Variants in GPAM observed in about 807,000 individuals in gnomAD.
GPAM encodes the protein glycerol-3-phosphate acyltransferase 1, mitochondrial.
In GPAM, 56 loss-of-function variants were observed where a neutral mutation model predicts 105.0. The observed-to-expected ratio is 0.53, with a 90% CI of 0.43 to 0.67. The LOEUF is 0.67. GPAM is among the 30% of genes least tolerant of loss of function. The pLI, the probability that GPAM is intolerant of heterozygous loss-of-function variation, is 0.00. For missense variants in GPAM, 855 were observed against 989.8 expected (o/e 0.86, Z 1.83); for synonymous variants, 368 against 354.4 (o/e 1.04, Z -0.43).
intron 4 of GPAM, among the ~76,000 whole-genome samples, chr10:112,179,972 C>T (rs1589597103): frequency 6.6e-6 from 1 of 152,148 alleles, no homozygotes; most frequent in South Asian, 2.1e-4. Context: ...ATACAAACAA[C>T]AAACCCATAT....
chr10:112,209,037 G>A (rs1589611864), intron 1 of GPAM, among the ~76,000 whole-genome samples: 1 of 152,226 alleles, frequency 6.6e-6, no homozygotes, highest in African/African-American at 2.4e-5. Context: ...AGGGATTGGG[G>A]ATGGGGACAG....
At chr10:112,178,692 C>A (rs184875687) in intron 4 of GPAM, among the ~76,000 whole-genome samples, 27 of 152,244 alleles carry the variant, frequency 1.8e-4, no homozygotes, top group African/African-American at 6.3e-4. Context: ...TTCAGTTTTC[C>A]CAAAATACAA....
At chr10:112,163,598 T>C (rs894298726) in intron 14 of GPAM, 103 bp downstream of exon 14, 12 of 710,606 alleles carry the variant, frequency 1.7e-5, no homozygotes, top group Admixed American at 4.0e-5. Flanking sequence ...TGTGAATTAA[T>C]AGAAGTGGAA....
chr10:112,209,439 A>G (rs951518329), intron 1 of GPAM, among the ~76,000 whole-genome samples: 1 of 152,074 alleles, frequency 6.6e-6, no homozygotes, highest in African/African-American at 2.4e-5. Flanking sequence ...CCACAGGATA[A>G]TTAAAATGTG....
chr10:112,162,447 T>C (rs1847140327), intron 14 of GPAM, among the ~76,000 whole-genome samples: 2 of 152,084 alleles, frequency 1.3e-5, no homozygotes, highest in African/African-American at 4.8e-5. Flanking sequence ...AGACACACAT[T>C]TGAGAATGAC....
chr10:112,173,886 A>G (rs1271780707), intron 6 of GPAM, 41 bp from the exon 7 acceptor site: 4 of 1,487,050 alleles, frequency 2.7e-6, no homozygotes, highest in Admixed American at 1.7e-5. Flanking sequence ...AATTGTTTCT[A>G]TACTACATTC....
chr10:112,203,115 G>A (rs1409340399), intron 1 of GPAM, among the ~76,000 whole-genome samples: 2 of 152,178 alleles, frequency 1.3e-5, no homozygotes, highest in Non-Finnish European at 2.9e-5. Flanking sequence ...AGGGGGAGCA[G>A]AGGGGAGGGA....
chr10:112,154,309 T>C (rs1444030191), intron 21 of GPAM: 10 of 369,956 alleles, frequency 2.7e-5, no homozygotes, highest in Non-Finnish European at 4.4e-5. Flanking sequence ...AAAACATTTC[T>C]GGTCCCAACA....
intron 11 of GPAM, among the ~76,000 whole-genome samples, chr10:112,167,517 T>A (rs917573612): frequency 6.6e-6 from 1 of 152,296 alleles, no homozygotes; most frequent in East Asian, 1.9e-4. Context: ...TACCATACAC[T>A]GGAATACTAC....
upstream of GPAM, among the ~76,000 whole-genome samples, chr10:112,187,131 A>C (rs747798909): frequency 6.6e-6 from 1 of 152,226 alleles, no homozygotes; most frequent in Non-Finnish European, 1.5e-5. Context: ...CTTAAGTCGA[A>C]TTTTTAAGAT....
Position 112,168,750 on chromosome 10 carries a change from C to T in GPAM, c.894+103G>A, listed in dbSNP as rs1589588103. The T allele has an allele frequency of 6.0e-6, 5 of 832,518 alleles. No individual in the cohort carries two copies. In the East Asian group the frequency reaches 1.2e-4, roughly 20 times the overall value. The allele number at this position is 832,518 out of a possible 1,614,324, so 51.6% of individuals were successfully genotyped here. A position where few individuals can be genotyped will look rare whatever the true frequency, so the allele number is the denominator to read the frequency against. ...ACTCAAGCAATAATCACTCCAGTTACTCAAAGAGCAGTTTTTAAAAATCTC... is the reference window on the plus strand; with the variant it reads ...ACTCAAGCAATAATCACTCCAGTTATTCAAAGAGCAGTTTTTAAAAATCTC... On this transcript the variant is annotated intron_variant, in intron 10 of 21. Transcript: ENST00000348367.
upstream of GPAM, among the ~76,000 whole-genome samples, chr10:112,219,562 C>A (rs1387032913): frequency 6.6e-6 from 1 of 152,182 alleles, no homozygotes; most frequent in Non-Finnish European, 1.5e-5. Context: ...CTCCAAAATC[C>A]ATAATTTTTC....
Position 112,164,594 on chromosome 10 carries a change from T to C in GPAM, c.1238A>G (p.Gln413Arg). 6.3e-7 allele frequency: 1 copy of C among 1,598,600 alleles called. No homozygotes were observed. Among genetic ancestry groups the C allele is most frequent in the Non-Finnish European group, 8.6e-7 (1 of 1,165,972 alleles). Residue 413 changes from glutamine (Q) to arginine (R), a missense_variant, in exon 13 of 22, where the codon CAA (glutamine) becomes CGA (arginine). Physicochemically the swap from Gln to Arg is conservative, Grantham distance 43 (BLOSUM62 1). Coordinates refer to ENST00000348367, the MANE Select transcript of GPAM (RefSeq NM_001244949.2). ...PFSLKEYLESQSQKPVSALLS... is the reference protein window; with the variant it reads ...PFSLKEYLESRSQKPVSALLS... The stretch of plus-strand genomic sequence containing the variant: ...TAGAGCAGACACCGGTTTCTGACTT[T>C]GGCTTTCTAAATATTCCTGGAGAAA...
At chr10:112,162,831 C>T (rs1273808975) in intron 14 of GPAM, among the ~76,000 whole-genome samples, 1 of 152,042 alleles carries the variant, frequency 6.6e-6, no homozygotes, top group African/African-American at 2.4e-5. Context: ...AACTTTTTAA[C>T]AATAAGGTAT....
chr10:112,163,838 A>G (rs777071584), intron 13 of GPAM, 22 bp from the exon 14 acceptor site: 1 of 1,066,256 alleles, frequency 9.4e-7, no homozygotes, highest in South Asian at 1.2e-5. Context: ...TTCAAAAATC[A>G]ACACACAACC....
chr10:112,157,030 A>G, intron 19 of GPAM: 1 of 619,260 alleles, frequency 1.6e-6, no homozygotes, highest in Non-Finnish European at 2.9e-6. Flanking sequence ...CACCTATGAC[A>G]TTCATCTTCC....
Position 112,173,703 on chromosome 10 carries a change from T to C in GPAM, c.556A>G (p.Ile186Val). 1 of 1,613,876 alleles carries C rather than the reference T, an allele frequency of 6.2e-7. No individual in the cohort carries two copies. The highest frequency in any genetic ancestry group is 8.5e-7 in the Non-Finnish European group (1 of 1,179,734). ...TTCTGCCTTGCCTTTTAATACCTGA[T>C]CATTGCCGGTGAGACAGTGGCAACC... ...EMVATVSPAM[I>V]RLTGWVLLKL... Residue 186 changes from isoleucine (I) to valine (V), a missense_variant, in exon 7 of 22, where the codon ATC (isoleucine) becomes GTC (valine). Physicochemically the swap from Ile to Val is conservative, Grantham distance 29. Transcript: ENST00000348367.
chr10:112,153,934 A>G (rs887764795), intron 21 of GPAM: 1 of 395,136 alleles, frequency 2.5e-6, no homozygotes. Flanking sequence ...TTCAACCAAC[A>G]TAACTATACT....
At chr10:112,194,625 A>T (rs10885315) in intron 1 of GPAM, among the ~76,000 whole-genome samples, 72,614 of 152,020 alleles carry the variant, frequency 0.48, 18,013 homozygotes, top group South Asian at 0.58. Flanking sequence ...CTAGATTTTA[A>T]CATGGACAAA....
Sources: allele counts gnomAD v4.1 joint callset (sites outside exome capture counted in the v4.1 genomes callset), GRCh38; gene constraint gnomAD v4.1.1; transcripts MANE v1.5; gene names NCBI Gene and HGNC (gene_info 2026-07-23, HGNC 2026-07-21).